The following ZNF273 variants were observed in gnomAD, a reference collection of about 807,000 sequenced individuals.
ZNF273 encodes the protein zinc finger protein 9.
In ZNF273, 11 loss-of-function variants were observed where a neutral mutation model predicts 14.9. The observed-to-expected ratio is 0.74, with a 90% CI of 0.46 to 1.22. The LOEUF is 1.22. Among genes scored for constraint, ZNF273 ranks in the 50% most tolerant of loss-of-function variants. The probability of loss-of-function intolerance (pLI) is 0.00; values close to 1 mark genes in which losing one functional copy is unlikely to be tolerated. For synonymous variants in ZNF273, 199 were observed against 223.9 expected, an observed-to-expected ratio of 0.89 and a Z score of 0.99; for missense variants, 577 against 660.6, an observed-to-expected ratio of 0.87 and a Z score of 1.39.
At chr7:64,911,383 C>A (rs1416517327) in intron 1 of ZNF273, among the ~76,000 whole-genome samples, 1 of 151,730 alleles carries the variant, frequency 6.6e-6, no homozygotes, top group Non-Finnish European at 1.5e-5. Flanking sequence ...CCTGCTCCAG[C>A]CTCCCAAATA....
chr7:64,900,555 G>T (rs1001336143), upstream of ZNF273, among the ~76,000 whole-genome samples: 1 of 152,186 alleles, frequency 6.6e-6, no homozygotes, highest in African/African-American at 2.4e-5. Context: ...AGCTAGCCAG[G>T]TGTGTTCAAC....
the ZNF273 span, among the ~76,000 whole-genome samples, chr7:64,936,262 T>C: frequency 0.46 from 69,803 of 152,180 alleles, 16,204 homozygotes; most frequent in Admixed American, 0.51. Context: ...CAAATGCCAT[T>C]AGCTGCCAAA....
chr7:64,932,871 CTATTTT>C (rs1795021951), downstream of ZNF273, among the ~76,000 whole-genome samples: 2 of 152,158 alleles, frequency 1.3e-5, no homozygotes, highest in Admixed American at 6.5e-5. Flanking sequence ...CACACAGAAT[CTATTTT>C]TAAGTGTGAC....
At chr7:64,916,194 A>G (rs1411060937) in intron 1 of ZNF273, among the ~76,000 whole-genome samples, 1 of 151,980 alleles carries the variant, frequency 6.6e-6, no homozygotes, top group African/African-American at 2.4e-5. Context: ...AAAAATTATT[A>G]GGAGAAAACT....
intron 3 of ZNF273, among the ~76,000 whole-genome samples, chr7:64,926,646 A>G (rs1423508271): frequency 1.3e-5 from 2 of 152,074 alleles, no homozygotes; most frequent in Admixed American, 6.6e-5. Flanking sequence ...CCTATTTTGT[A>G]TGCATTATAA....
Position 64,930,541 on chromosome 7 carries a change from C to G in ZNF273, c.*1503C>G, listed in dbSNP as rs1794968240. ...ATGTTTTAACATGTTAAGACTTGTGCATTCAGTGAAGCGTTATTATGCCAC... is the reference window on the plus strand; with the variant it reads ...ATGTTTTAACATGTTAAGACTTGTGGATTCAGTGAAGCGTTATTATGCCAC... On this transcript the variant is annotated 3_prime_UTR_variant, in exon 4 of 4. Transcript: ENST00000476120. 1 of 152,062 alleles carries G rather than the reference C, an allele frequency of 6.6e-6. No individual in the cohort carries two copies. The highest frequency in any genetic ancestry group is 1.5e-5 in the Non-Finnish European group (1 of 68,018). The allele number at this position is 152,062 out of a possible 1,614,324, so 9.4% of individuals were successfully genotyped here. A position where few individuals can be genotyped will look rare whatever the true frequency, so the allele number is the denominator to read the frequency against.
chr7:64,913,811 GT>G (rs1383611065), intron 1 of ZNF273, among the ~76,000 whole-genome samples: 4 of 152,160 alleles, frequency 2.6e-5, no homozygotes, highest in African/African-American at 9.7e-5. Flanking sequence ...AAATTACGAA[GT>G]GATTTATAAG....
chr7:64,906,984 A>G (rs140990164), intron 1 of ZNF273, among the ~76,000 whole-genome samples: 122 of 152,332 alleles, frequency 8.0e-4, no homozygotes, highest in Non-Finnish European at 1.4e-3. Context: ...TAGATTTTAT[A>G]TCAGAGAATG....
At chr7:64,925,461 A>G (rs1052692166) in intron 3 of ZNF273, among the ~76,000 whole-genome samples, 19 of 152,170 alleles carry the variant, frequency 1.2e-4, no homozygotes, top group African/African-American at 4.1e-4. Flanking sequence ...TTTTTGAGAC[A>G]GAGTCTCGCT....
At position 64,928,488 on chromosome 7, in the gene ZNF273, C is replaced by T. The variant is rs747277915; in HGVS notation, c.1160C>T (p.Ser387Leu). 2 of 1,613,764 alleles carry T rather than the reference C, an allele frequency of 1.2e-6. No individual in the cohort carries two copies. Among genetic ancestry groups the T allele is most frequent in the South Asian group, 1.1e-5 (1 of 91,066 alleles). Residue 387 changes from serine to leucine, a missense_variant, in exon 4 of 4, where the codon TCA becomes TTA. By Grantham distance (145) the Ser-to-Leu change is moderately radical. This residue lies in a region of ZNF273 where 411 missense variants were observed against 440.4 expected (regional missense o/e 0.93). Transcript: ENST00000476120. The stretch of plus-strand genomic sequence containing the variant: ...TGTGGCAAAGCTTTTAACCAGTCCT[C>T]AACCCTTACTAGACATAAGATAGTT... ...EECGKAFNQSSTLTRHKIVHT... is the reference protein window; with the variant it reads ...EECGKAFNQSLTLTRHKIVHT...
upstream of ZNF273, among the ~76,000 whole-genome samples, chr7:64,898,429 G>C (rs1792492731): frequency 1.3e-5 from 2 of 152,052 alleles, no homozygotes; most frequent in Non-Finnish European, 2.9e-5. Context: ...CAAAGAACTG[G>C]TTTTCTATTT....
exon 3 of ZNF273, chr7:64,879,662 G>T (rs927769885): frequency 1.3e-5 from 2 of 152,192 alleles, no homozygotes; most frequent in Non-Finnish European, 2.9e-5. Flanking sequence ...GGAATCTTCC[G>T]CTAGCACCAT....
At position 64,903,288 on chromosome 7, in the gene ZNF273, C is replaced by A. The variant is rs536144689; in HGVS notation, c.-30C>A. Reference sequence around the variant, plus strand: ...CGGGGCCTTTGTCTCTCGCTGCAGTCGCAGCTCCAGGTCTCGTCTTCACTG... The same window carrying A: ...CGGGGCCTTTGTCTCTCGCTGCAGTAGCAGCTCCAGGTCTCGTCTTCACTG... On this transcript the variant is annotated 5_prime_UTR_variant, in exon 1 of 4. Coordinates refer to ENST00000476120, the MANE Select transcript of ZNF273 (RefSeq NM_021148.3). 13 of 1,565,074 alleles carry A rather than the reference C, an allele frequency of 8.3e-6. No homozygotes were observed. The highest frequency in any genetic ancestry group is 4.5e-5 in the East Asian group (2 of 44,230).
At chr7:64,889,786 T>G, downstream of ZNF273, 1 of 984,058 alleles carries the variant, frequency 1.0e-6, no homozygotes, top group Non-Finnish European at 1.2e-6. The surrounding 1 kb of genome is among the most constrained non-coding windows in gnomAD (Gnocchi z 4.2). Context: ...CCCAAGCCCC[T>G]GCACTTGCAT....
At chr7:64,909,099 A>C (rs1420978056) in intron 1 of ZNF273, among the ~76,000 whole-genome samples, 1 of 151,830 alleles carries the variant, frequency 6.6e-6, no homozygotes, top group Non-Finnish European at 1.5e-5. Context: ...TATTTTTTGT[A>C]CGTACGGGGT....
At chr7:64,899,522 G>A (rs1166055467), upstream of ZNF273, among the ~76,000 whole-genome samples, 1 of 151,986 alleles carries the variant, frequency 6.6e-6, no homozygotes, top group African/African-American at 2.4e-5. Context: ...AGGTGTGGTG[G>A]TGTATACCTG....
rs1562959220 is a variant in ZNF273, at chr7:64,912,846, T to TTTTTTTTTTTTG, written c.103-4735_103-4734insTTTTTTTTTTTG. On this transcript the variant is annotated intron_variant, in intron 1 of 3. Coordinates refer to ENST00000476120, the MANE Select transcript of ZNF273 (RefSeq NM_021148.3). ...TTTTAGTTTTTTTTTTTTTTTTTTT[T>TTTTTTTTTTTTG]GAGATTGAGTTTCGCTCTGTCATCC... Among the ~76,000 whole-genome samples the TTTTTTTTTTTTG allele has an allele frequency of 1.8e-3, 181 of 98,248 alleles. 36 individuals are homozygous for TTTTTTTTTTTTG. In the Middle Eastern group the frequency reaches 0.019, roughly 10 times the overall value. The allele number at this position is 98,248 out of a possible 152,430, so 64.5% of individuals were successfully genotyped here. A position where few individuals can be genotyped will look rare whatever the true frequency, so the allele number is the denominator to read the frequency against.
At chr7:64,897,006 A>G (rs1270568577) in intron 3 of ZNF273, among the ~76,000 whole-genome samples, 1 of 152,226 alleles carries the variant, frequency 6.6e-6, no homozygotes, top group Non-Finnish European at 1.5e-5. Flanking sequence ...AACAACATCA[A>G]TGAACCTGGA....
chr7:64,936,560 G>A, the ZNF273 span, among the ~76,000 whole-genome samples: 86,603 of 151,994 alleles, frequency 0.57, 24,921 homozygotes, highest in East Asian at 0.7. Flanking sequence ...AAAGGCTTTT[G>A]GTAAAAGATT....
Sources: gnomAD v4.1 joint callset for allele counts (sites outside exome capture counted in the v4.1 genomes callset) on GRCh38, gnomAD v4.1.1 for gene constraint, gnomAD v4.1.1 regional missense constraint, Gnocchi (gnomAD v3.1) non-coding constraint, MANE v1.5 for transcripts, NCBI Gene and HGNC (gene_info 2026-07-23, HGNC 2026-07-21) for gene names.